Variants in TBC1D22A observed in about 807,000 individuals in gnomAD.
TBC1D22A encodes the protein TBC1 domain family member 22A, also known as putative GTPase activator.
In TBC1D22A, 38 loss-of-function variants were observed where a neutral mutation model predicts 60.2. The observed-to-expected ratio is 0.63, with a 90% CI of 0.49 to 0.83. TBC1D22A has a LOEUF of 0.83. TBC1D22A is among the 40% of genes least tolerant of loss of function. The pLI is 0.00. For synonymous variants in TBC1D22A, 302 were observed against 281.7 expected (o/e 1.07, Z -0.72); for missense variants, 628 against 701.0 (o/e 0.90, Z 1.18).
chr22:46,910,030 A>G (rs1428431071), intron 7 of TBC1D22A, among the ~76,000 whole-genome samples: 1 of 152,248 alleles, frequency 6.6e-6, no homozygotes, highest in Non-Finnish European at 1.5e-5. Context: ...TACATGAGAA[A>G]TTCTTAAATG....
chr22:46,951,559 G>T (rs148162963), intron 8 of TBC1D22A, among the ~76,000 whole-genome samples: 216 of 152,322 alleles, frequency 1.4e-3, no homozygotes, highest in Non-Finnish European at 2.6e-3. Context: ...GCCAGTTAGG[G>T]GCTGTCACTG....
intron 4 of TBC1D22A, among the ~76,000 whole-genome samples, chr22:46,803,037 C>T (rs1214124416): frequency 1.3e-5 from 2 of 152,128 alleles, no homozygotes; most frequent in African/African-American, 2.4e-5. Context: ...AAAATCTCCT[C>T]CTCATGAAAC....
At chr22:46,888,879 T>C (rs1452251234) in intron 5 of TBC1D22A, among the ~76,000 whole-genome samples, 1 of 152,214 alleles carries the variant, frequency 6.6e-6, no homozygotes, top group East Asian at 1.9e-4. Context: ...CTAATTTTTG[T>C]ATTTTTAGTA....
intron 9 of TBC1D22A, among the ~76,000 whole-genome samples, chr22:46,989,584 G>A (rs1172092837): frequency 6.6e-6 from 1 of 152,022 alleles, no homozygotes; most frequent in East Asian, 1.9e-4. Flanking sequence ...CCGGTCAGCG[G>A]GGCAGTTGGA....
At chr22:47,170,327 C>T (rs778626587) in intron 12 of TBC1D22A, among the ~76,000 whole-genome samples, 1 of 151,990 alleles carries the variant, frequency 6.6e-6, no homozygotes, top group South Asian at 2.1e-4. Flanking sequence ...TTGCAAGGAG[C>T]GAGGTCATGA....
chr22:46,865,895 C>T (rs1249074358), intron 4 of TBC1D22A, among the ~76,000 whole-genome samples: 1 of 152,156 alleles, frequency 6.6e-6, no homozygotes, highest in Admixed American at 6.5e-5. Context: ...TTATCTGTAG[C>T]ACAGAAAAGT....
chr22:47,049,985 C>A (rs1351155001), intron 11 of TBC1D22A, among the ~76,000 whole-genome samples: 1 of 152,240 alleles, frequency 6.6e-6, no homozygotes, highest in Non-Finnish European at 1.5e-5. Context: ...GTTTGCCCTG[C>A]AGCCAGCAGT....
intron 12 of TBC1D22A, among the ~76,000 whole-genome samples, chr22:47,166,635 C>T (rs2068218927): frequency 6.6e-6 from 1 of 152,228 alleles, no homozygotes; most frequent in South Asian, 2.1e-4. Context: ...ATTTCTCCAT[C>T]TGTTGCCTGA....
intron 4 of TBC1D22A, among the ~76,000 whole-genome samples, chr22:46,803,376 T>A (rs1396862488): frequency 6.6e-6 from 1 of 152,136 alleles, no homozygotes; most frequent in Non-Finnish European, 1.5e-5. Flanking sequence ...GCATTCTTGG[T>A]GCTGTTGGAG....
chr22:47,055,760 G>A (rs562706644), intron 11 of TBC1D22A, among the ~76,000 whole-genome samples: 1 of 152,162 alleles, frequency 6.6e-6, no homozygotes, highest in Admixed American at 6.5e-5. Flanking sequence ...CCATTTAAAA[G>A]CCTCTGTCTG....
At chr22:47,106,844 C>T (rs564472734) in intron 11 of TBC1D22A, among the ~76,000 whole-genome samples, 1 of 152,250 alleles carries the variant, frequency 6.6e-6, no homozygotes, top group Admixed American at 6.5e-5. Context: ...CATGTTGAAA[C>T]CTCGTCTCTA....
rs1273825137 is a variant in TBC1D22A at position 46,797,487 on chromosome 22, C to G, written c.504C>G (p.Leu168=). 6.2e-7 allele frequency: 1 copy of G among 1,613,592 alleles called. No individual in the cohort carries two copies. The highest frequency in any genetic ancestry group is 8.5e-7 in the Non-Finnish European group (1 of 1,180,024). ...CCCCTCTGCAGAGGTCCCAGTCTCT[C>G]CCACACTCGGCCACCGTCACGCTGG... ...DAAPLQRSQS[L]PHSATVTLGG... The change falls in exon 4 of 13, where the codon CTC becomes CTG. Residue 168 remains leucine (L), a synonymous_variant. Transcript: ENST00000337137.
At chr22:47,056,779 G>A (rs1360725042) in intron 11 of TBC1D22A, among the ~76,000 whole-genome samples, 1 of 152,240 alleles carries the variant, frequency 6.6e-6, no homozygotes, top group Non-Finnish European at 1.5e-5. Context: ...AGCATCTGGG[G>A]TGGATACAGC....
At chr22:47,101,987 G>A (rs1296332144) in intron 11 of TBC1D22A, among the ~76,000 whole-genome samples, 1 of 152,094 alleles carries the variant, frequency 6.6e-6, no homozygotes, top group African/African-American at 2.4e-5. Context: ...AGTCTTTTTG[G>A]CTTTCTGCTG....
intron 11 of TBC1D22A, among the ~76,000 whole-genome samples, chr22:47,092,303 C>T (rs2065007512): frequency 6.6e-6 from 1 of 152,066 alleles, no homozygotes. Flanking sequence ...GAGCACAGGA[C>T]AGAGAGGTAT....
chr22:46,941,400 C>CAGAATATATATACGGAATATATAT (rs2072058290), intron 8 of TBC1D22A, among the ~76,000 whole-genome samples: 3 of 69,724 alleles, frequency 4.3e-5, no homozygotes, highest in African/African-American at 1.5e-4. Flanking sequence ...AATATATATA[C>CAGAATATATATACGGAATATATAT]ACAGAATATA....
At chr22:46,811,588 G>A (rs1185596284) in intron 4 of TBC1D22A, among the ~76,000 whole-genome samples, 1 of 152,164 alleles carries the variant, frequency 6.6e-6, no homozygotes, top group African/African-American at 2.4e-5. Context: ...CGGTCACAAC[G>A]GTGTATCGAG....
intron 8 of TBC1D22A, among the ~76,000 whole-genome samples, chr22:46,966,339 C>T (rs2073803831): frequency 6.6e-6 from 1 of 152,178 alleles, no homozygotes; most frequent in African/African-American, 2.4e-5. Flanking sequence ...CCCTCTGTAA[C>T]AGACGGTCGA....
At chr22:46,789,150 CAG>C (rs1438096709) in intron 1 of TBC1D22A, 1 of 131,664 alleles carries the variant, frequency 7.6e-6, no homozygotes, top group Non-Finnish European at 1.6e-5. Flanking sequence ...TTTTTTGAGA[CAG>C]AGTCTCGCTG....
Sources: gnomAD v4.1 joint callset for allele counts (sites outside exome capture counted in the v4.1 genomes callset) on GRCh38, gnomAD v4.1.1 for gene constraint, MANE v1.5 for transcripts, NCBI Gene and HGNC (gene_info 2026-07-23, HGNC 2026-07-21) for gene names.